TECPR2: variants seen among roughly 807,000 people sequenced by gnomAD.
TECPR2 encodes the protein tectonin beta-propeller repeat containing 2.
TECPR2 carries 65 observed loss-of-function variants against 138.1 expected under a neutral mutation model. The observed-to-expected ratio is 0.47, with a 90% CI of 0.39 to 0.58. TECPR2 has a LOEUF of 0.58. TECPR2 is among the 20% of genes least tolerant of loss of function. TECPR2 has a pLI of 0.00. For missense variants in TECPR2, 1,553 were observed against 1,824.5 expected, an observed-to-expected ratio of 0.85 and a Z score of 2.71; for synonymous variants, 746 against 749.8, an observed-to-expected ratio of 0.99 and a Z score of 0.08.
In TECPR2 at chr14:102,431,966, G is replaced by A. The variant is rs779431365; in HGVS notation, c.1255G>A (p.Gly419Ser). 92 of 1,612,800 alleles carry A rather than the reference G, an allele frequency of 5.7e-5. 1 individual carries two copies. The highest frequency in any genetic ancestry group is 7.7e-5 in the South Asian group (7 of 91,068). The change falls in exon 8 of 20, where the codon GGC becomes AGC. Residue 419 changes from glycine to serine, a missense_variant. Physicochemically the swap from Gly to Ser is moderately conservative, Grantham distance 56. Coordinates refer to ENST00000359520, the MANE Select transcript of TECPR2 (RefSeq NM_014844.5). The part of the protein sequence containing the change: ...RSSSLNSTDS[G>S]SGLLPPGLQA... ...CAGCTCGCTCAACTCCACCGACAGCGGCTCCGGGCTCCTGCCCCCTGGGCT... is the reference window on the plus strand; with the variant it reads ...CAGCTCGCTCAACTCCACCGACAGCAGCTCCGGGCTCCTGCCCCCTGGGCT...
chr14:102,487,149 G>C (rs1033687363), intron 17 of TECPR2, among the ~76,000 whole-genome samples: 1 of 152,206 alleles, frequency 6.6e-6, no homozygotes, highest in African/African-American at 2.4e-5. Flanking sequence ...GAAAAGAAAA[G>C]GCAGTGTGGA....
chr14:102,429,947 A>G (rs544265329), intron 7 of TECPR2, among the ~76,000 whole-genome samples: 2 of 152,014 alleles, frequency 1.3e-5, no homozygotes, highest in African/African-American at 4.8e-5. Context: ...TGAATTTTAC[A>G]TTTTGTTTAA....
chr14:102,417,243 A>G (rs867943932), intron 5 of TECPR2, among the ~76,000 whole-genome samples: 2 of 152,242 alleles, frequency 1.3e-5, no homozygotes, highest in Non-Finnish European at 1.5e-5. Flanking sequence ...AATGTTTTTA[A>G]CATCTGTGTC....
At chr14:102,435,285 T>C in intron 9 of TECPR2, 74 bp downstream of exon 9, 2 of 1,496,616 alleles carry the variant, frequency 1.3e-6, no homozygotes, top group Non-Finnish European at 1.8e-6. Context: ...AGACTGATTA[T>C]TTTCCTTCTC....
Position 102,362,966 on chromosome 14 carries a change from C to T in TECPR2, c.-223C>T, listed in dbSNP as rs904032486. The T allele has an allele frequency of 2.2e-6, 3 of 1,390,436 alleles. No homozygotes were observed. Among genetic ancestry groups the T allele is most frequent in the Non-Finnish European group, 3.0e-6 (3 of 1,001,706 alleles). The allele number at this position is 1,390,436 out of a possible 1,614,324, so 86.1% of individuals were successfully genotyped here. On this transcript the variant is annotated 5_prime_UTR_variant, in exon 1 of 20. Transcript: ENST00000359520. ...ACTTGTGGCTCTGCCGCTCTAGCCC[C>T]CGGCGGAGCCAGCTGCTGCTCTTCG...
chr14:102,490,823 A>C (rs1173249972), intron 17 of TECPR2, among the ~76,000 whole-genome samples: 1 of 152,220 alleles, frequency 6.6e-6, no homozygotes, highest in Non-Finnish European at 1.5e-5. Flanking sequence ...CCTTCCCTGC[A>C]GCTTGTCCTC....
At chr14:102,438,818 C>T (rs578181909) in intron 10 of TECPR2, among the ~76,000 whole-genome samples, 4 of 152,070 alleles carry the variant, frequency 2.6e-5, no homozygotes, top group Admixed American at 6.6e-5. Flanking sequence ...GGAAGACCTC[C>T]CATATCTGCA....
At chr14:102,468,097 C>T (rs983044054) in intron 17 of TECPR2, among the ~76,000 whole-genome samples, 9 of 151,660 alleles carry the variant, frequency 5.9e-5, no homozygotes, top group African/African-American at 1.5e-4. Flanking sequence ...CCGCCCACCT[C>T]GGCCTCCCAA....
chr14:102,490,903 G>GT (rs995323047), intron 17 of TECPR2, among the ~76,000 whole-genome samples: 14 of 151,616 alleles, frequency 9.2e-5, no homozygotes, highest in East Asian at 1.9e-4. Context: ...GTTTTTTTGG[G>GT]TTTTTTTTGA....
intron 2 of TECPR2, among the ~76,000 whole-genome samples, chr14:102,384,891 T>C (rs1249768483): frequency 1.4e-5 from 2 of 138,056 alleles, no homozygotes; most frequent in African/African-American, 5.5e-5. Context: ...AGTTTCACTC[T>C]TGTTGCCCTG....
intron 17 of TECPR2, among the ~76,000 whole-genome samples, chr14:102,476,305 G>A (rs2139781214): frequency 6.6e-6 from 1 of 150,762 alleles, no homozygotes; most frequent in Admixed American, 6.6e-5. Flanking sequence ...GCTGAGCTGG[G>A]AGAATTGCTT....
intron 7 of TECPR2, among the ~76,000 whole-genome samples, chr14:102,431,545 T>A (rs1026898014): frequency 6.6e-6 from 1 of 152,072 alleles, no homozygotes; most frequent in African/African-American, 2.4e-5. Context: ...GGTTTCACTG[T>A]GTTAGCCAGG....
chr14:102,410,006 G>A (rs1047077193), intron 4 of TECPR2, among the ~76,000 whole-genome samples: 6 of 151,574 alleles, frequency 4.0e-5, no homozygotes, highest in Admixed American at 6.6e-5. Context: ...GTGTTTCACC[G>A]TTTTAGCCAG....
intron 6 of TECPR2, among the ~76,000 whole-genome samples, chr14:102,426,561 A>G (rs763016724): frequency 1.2e-4 from 19 of 152,166 alleles, no homozygotes; most frequent in Non-Finnish European, 2.1e-4. Context: ...GAAAATAAAC[A>G]GTTTTCAGCC....
chr14:102,369,640 G>A (rs1165805685), intron 1 of TECPR2, among the ~76,000 whole-genome samples: 1 of 152,026 alleles, frequency 6.6e-6, no homozygotes, highest in East Asian at 1.9e-4. Context: ...TGCCCAGGCT[G>A]ATGTCAAACC....
intron 1 of TECPR2, among the ~76,000 whole-genome samples, chr14:102,374,286 G>T (rs1179305299): frequency 1.3e-5 from 2 of 151,872 alleles, no homozygotes; most frequent in African/African-American, 4.8e-5. Flanking sequence ...CTCTAGTAAT[G>T]AACTATAGAA....
intron 13 of TECPR2, among the ~76,000 whole-genome samples, chr14:102,447,842 T>C (rs1022679850): frequency 1.3e-5 from 2 of 151,510 alleles, no homozygotes; most frequent in Non-Finnish European, 2.9e-5. Context: ...CAGTATTTGA[T>C]GTTTCTGAAG....
chr14:102,441,596 A>G (rs1889834596), intron 11 of TECPR2, among the ~76,000 whole-genome samples: 2 of 151,822 alleles, frequency 1.3e-5, no homozygotes, highest in African/African-American at 2.4e-5. Flanking sequence ...AGCCTGAGGC[A>G]CAAGAATCAC....
At chr14:102,498,022 C>T (rs4906209) in intron 19 of TECPR2, 81 bp from the exon 20 acceptor site, 115 of 1,510,020 alleles carry the variant, frequency 7.6e-5, no homozygotes, top group Non-Finnish European at 8.9e-5. Context: ...CCCAGACCTG[C>T]GCCCAAGCTC....
Sources: allele counts gnomAD v4.1 joint callset (sites outside exome capture counted in the v4.1 genomes callset), GRCh38; gene constraint gnomAD v4.1.1; transcripts MANE v1.5; gene names NCBI Gene and HGNC (gene_info 2026-07-23, HGNC 2026-07-21).